The following RORA variants were observed in gnomAD, a reference collection of about 807,000 sequenced individuals.
RORA encodes RAR related orphan receptor A.
A neutral mutation model predicts 69.5 loss-of-function variants in RORA; 7 were observed. The observed-to-expected ratio is 0.10, with a 90% confidence interval of 0.06 to 0.19. The LOEUF (loss-of-function observed/expected upper bound fraction) is 0.19. Ranked by LOEUF, RORA falls within the 10% of genes least tolerant of loss-of-function variation. The pLI, the probability that RORA is intolerant of heterozygous loss-of-function variation, is 1.00. For synonymous variants in RORA, 261 were observed against 240.8 expected (o/e 1.08, Z -0.78); for missense variants, 457 against 663.0 (o/e 0.69, Z 3.41).
At chr15:60,592,745 C>T in intron 2 of RORA, 1 of 1,088,024 alleles carries the variant, frequency 9.2e-7, no homozygotes, top group Non-Finnish European at 1.1e-6. Context: ...CCCGGCCGGG[C>T]CTGCCCTCCC....
At chr15:60,707,725 C>A (rs1310687126) in intron 1 of RORA, among the ~76,000 whole-genome samples, 3 of 152,112 alleles carry the variant, frequency 2.0e-5, no homozygotes, top group African/African-American at 7.2e-5. Flanking sequence ...GACATAAATC[C>A]TCTTTTAATA....
intron 8 of RORA, among the ~76,000 whole-genome samples, chr15:60,501,298 C>T (rs981641674): frequency 6.6e-6 from 1 of 152,114 alleles, no homozygotes; most frequent in Non-Finnish European, 1.5e-5. Flanking sequence ...TAGTCATCAC[C>T]ACCACTTCCA....
chr15:60,711,290 G>A lies in RORA; in HGVS notation c.167-32604C>T, dbSNP rs570526249. On this transcript the variant is annotated intron_variant, in intron 1 of 10. Transcript: ENST00000335670. ...ACTTCTAAACTGCATACTTCTGCAG[G>A]CCCAGGCCTACATATCTTTCTTTCT... 4.6e-5 allele frequency among the ~76,000 whole-genome samples: 7 copies of A among 152,236 alleles called. No homozygotes were observed. In the East Asian group the frequency reaches 1.2e-3, roughly 25 times the overall value.
rs2070361979 is a variant in RORA, at chr15:60,665,154, C to T, written c.196+13503G>A. ...TTTACCTTAAAATTCAATAAGTAAT[C>T]TGGGATTATCAGGACATCTACTTCA... On this transcript the variant is annotated intron_variant, in intron 2 of 10. Transcript: ENST00000335670. Among the ~76,000 whole-genome samples the T allele has an allele frequency of 3.3e-5, 5 of 152,304 alleles. 1 individual carries two copies. The South Asian group carries it at 1.0e-3, about 32-fold the overall frequency.
At chr15:61,098,012 C>T (rs779975837) in intron 1 of RORA, among the ~76,000 whole-genome samples, 5 of 152,166 alleles carry the variant, frequency 3.3e-5, no homozygotes, top group East Asian at 3.9e-4. Flanking sequence ...AACTGCTATT[C>T]CTATCTCTCC....
At chr15:60,701,982 C>G (rs2070988472) in intron 1 of RORA, among the ~76,000 whole-genome samples, 2 of 152,186 alleles carry the variant, frequency 1.3e-5, no homozygotes, top group Non-Finnish European at 2.9e-5. Context: ...AACTAACATG[C>G]AGGAAATGCT....
intron 1 of RORA, among the ~76,000 whole-genome samples, chr15:60,691,975 G>C (rs2070834158): frequency 6.6e-6 from 1 of 152,162 alleles, no homozygotes; most frequent in African/African-American, 2.4e-5. Flanking sequence ...TTGTGTGGCT[G>C]GCTTCTCCTA....
chr15:60,649,856 C>G (rs2070113843), intron 2 of RORA, among the ~76,000 whole-genome samples: 1 of 152,196 alleles, frequency 6.6e-6, no homozygotes, highest in Non-Finnish European at 1.5e-5. Flanking sequence ...CTTTGTATCT[C>G]TGGCAACGGA....
chr15:60,695,321 C>T (rs1038331305), intron 1 of RORA, among the ~76,000 whole-genome samples: 1 of 152,202 alleles, frequency 6.6e-6, no homozygotes, highest in African/African-American at 2.4e-5. Flanking sequence ...CTTAGCCCAA[C>T]CCTTAGCATG....
At chr15:60,668,009 T>C (rs1026104485) in intron 2 of RORA, among the ~76,000 whole-genome samples, 1 of 152,066 alleles carries the variant, frequency 6.6e-6, no homozygotes, top group African/African-American at 2.4e-5. Flanking sequence ...AGTTTATAGA[T>C]AGAAGAAATC....
Position 60,772,869 on chromosome 15 carries a change from C to T in RORA, c.167-94183G>A, listed in dbSNP as rs555949013. Among the ~76,000 whole-genome samples, 16 of 152,356 alleles carry T rather than the reference C, an allele frequency of 1.1e-4. No individual in the cohort carries two copies. In the East Asian group the frequency reaches 2.7e-3, roughly 26 times the overall value. On this transcript the variant is annotated intron_variant, in intron 1 of 10. Coordinates refer to ENST00000335670, the MANE Select transcript of RORA (RefSeq NM_134261.3). ...GTGGAATCCTAGTCTTATATCCACA[C>T]CATGGCAGCACATTAAAATGTCTCC...
Position 61,061,396 on chromosome 15 carries a change from A to AATAAATAAATAC in RORA, c.166+167656_166+167657insGTATTTATTTAT, listed in dbSNP as rs555915393. Among the ~76,000 whole-genome samples the AATAAATAAATAC allele has an allele frequency of 1.3e-5, 2 of 149,948 alleles. No individual in the cohort carries two copies. Among genetic ancestry groups the AATAAATAAATAC allele is most frequent in the Non-Finnish European group, 3.0e-5 (2 of 67,722 alleles). On this transcript the variant is annotated intron_variant, in intron 1 of 10. Coordinates refer to ENST00000335670, the MANE Select transcript of RORA (RefSeq NM_134261.3). The surrounding 1 kb of genome is among the most constrained non-coding windows in gnomAD (Gnocchi z 4.4). The stretch of plus-strand genomic sequence containing the variant: ...AAATAAATAAATAAATAAATAAATA[A>AATAAATAAATAC]ATACAAGGGCATCGCAGGAAGTCCT...
At chr15:60,675,173 G>A (rs1250159004) in intron 2 of RORA, among the ~76,000 whole-genome samples, 1 of 152,162 alleles carries the variant, frequency 6.6e-6, no homozygotes, top group African/African-American at 2.4e-5. Flanking sequence ...AAGAATTCAG[G>A]AGTGAATGAC....
chr15:60,928,001 C>T (rs550443999), intron 1 of RORA, among the ~76,000 whole-genome samples: 82 of 152,224 alleles, frequency 5.4e-4, no homozygotes, highest in Middle Eastern at 3.4e-3. Context: ...GTTTGGGGCC[C>T]GTGCTTTCTC....
In RORA at chr15:60,838,887, CATAT is replaced by C. The variant is rs869108719; in HGVS notation, c.167-160205_167-160202del. ...ACACACACACACACACACACACACA[CATAT>C]ACTTTTTTTTTTTTTCAGAGGGTGT... On this transcript the variant is annotated intron_variant, in intron 1 of 10. Transcript: ENST00000335670. Among the ~76,000 whole-genome samples, 63 of 42,132 alleles carry C rather than the reference CATAT, an allele frequency of 1.5e-3. 1 individual carries two copies. The highest frequency in any genetic ancestry group is 4.8e-3 in the South Asian group (5 of 1,052). 27.6% of individuals were successfully genotyped at this position (42,132 alleles called of 152,430 possible). A position where few individuals can be genotyped will look rare whatever the true frequency, so the allele number is the denominator to read the frequency against.
At chr15:60,861,155 T>C (rs1337283073) in intron 1 of RORA, among the ~76,000 whole-genome samples, 1 of 152,212 alleles carries the variant, frequency 6.6e-6, no homozygotes, top group Non-Finnish European at 1.5e-5. Flanking sequence ...TATATCCTTA[T>C]TGGAATTGAC....
intron 1 of RORA, among the ~76,000 whole-genome samples, chr15:61,091,629 G>T (rs2078708605): frequency 6.6e-6 from 1 of 152,220 alleles, no homozygotes; most frequent in African/African-American, 2.4e-5. Context: ...AGCCTTAATA[G>T]ATTGACTACA....
intron 1 of RORA, among the ~76,000 whole-genome samples, chr15:60,999,579 C>T (rs2140378969): frequency 6.6e-6 from 1 of 152,284 alleles, no homozygotes; most frequent in East Asian, 1.9e-4. Flanking sequence ...TGTCCATGCC[C>T]CATCTCTCCC....
At chr15:61,116,662 C>T (rs1271872664) in intron 1 of RORA, among the ~76,000 whole-genome samples, 1 of 152,158 alleles carries the variant, frequency 6.6e-6, no homozygotes, top group Non-Finnish European at 1.5e-5. Context: ...AGACTGAAAA[C>T]ATTGACGAGC....
Sources: allele counts gnomAD v4.1 joint callset (sites outside exome capture counted in the v4.1 genomes callset), GRCh38; gene constraint gnomAD v4.1.1; non-coding constraint Gnocchi (gnomAD v3.1); transcripts MANE v1.5; gene names NCBI Gene and HGNC (gene_info 2026-07-23, HGNC 2026-07-21).